The following KCTD8 variants were observed in gnomAD, a reference collection of about 807,000 sequenced individuals.
KCTD8 encodes potassium channel tetramerization domain containing 8, also known as BTB/POZ domain-containing protein KCTD8.
A neutral mutation model predicts 31.5 loss-of-function variants in KCTD8; 27 were observed. The observed-to-expected ratio is 0.86, with a 90% CI of 0.63 to 1.18. The LOEUF is 1.18. KCTD8 is among the 50% of genes most tolerant of loss of function. The pLI is 0.00. For missense variants in KCTD8, 658 were observed against 647.7 expected (o/e 1.02, Z -0.17); for synonymous variants, 290 against 280.0 (o/e 1.04, Z -0.36).
In KCTD8 at chr4:44,443,898, G is replaced by C. The variant is rs146333048; in HGVS notation, c.961+3665C>G. ...TTTTGTCTCCCAGATATTGCTAAAG[G>C]CAGCCACAATGACACTCAGCAGACA... On this transcript the variant is annotated intron_variant, in intron 1 of 1. Transcript: ENST00000360029. Among the ~76,000 whole-genome samples the C allele has an allele frequency of 4.6e-3, 706 of 152,044 alleles. 4 individuals carry two copies. Among genetic ancestry groups the C allele is most frequent in the African/African-American group, 0.016 (676 of 41,438 alleles).
intron 1 of KCTD8, among the ~76,000 whole-genome samples, chr4:44,312,181 T>C (rs1717973854): frequency 6.6e-6 from 1 of 152,158 alleles, no homozygotes; most frequent in South Asian, 2.1e-4. Flanking sequence ...TATAGAGCTC[T>C]TTGGGAGCTC....
At chr4:44,313,153 G>C (rs1718004074) in intron 1 of KCTD8, among the ~76,000 whole-genome samples, 2 of 152,090 alleles carry the variant, frequency 1.3e-5, no homozygotes, top group South Asian at 4.1e-4. Flanking sequence ...TGAAAACTGG[G>C]GACTTGTCTG....
chr4:44,188,233 T>C (rs555686281), intron 1 of KCTD8, among the ~76,000 whole-genome samples: 1 of 152,294 alleles, frequency 6.6e-6, no homozygotes, highest in South Asian at 2.1e-4. Flanking sequence ...CTTTGAAATT[T>C]ATAAAAGTGT....
chr4:44,376,160 C>T (rs913209882), intron 1 of KCTD8, among the ~76,000 whole-genome samples: 12 of 152,078 alleles, frequency 7.9e-5, no homozygotes, highest in African/African-American at 2.7e-4. Flanking sequence ...TTTTGTGGAC[C>T]GTGCATGTTC....
intron 1 of KCTD8, among the ~76,000 whole-genome samples, chr4:44,241,926 A>G (rs1715467120): frequency 6.6e-6 from 1 of 152,198 alleles, no homozygotes; most frequent in Non-Finnish European, 1.5e-5. Flanking sequence ...TATAATAATA[A>G]ATAAAAAAGT....
chr4:44,313,097 G>A (rs1183272518), intron 1 of KCTD8, among the ~76,000 whole-genome samples: 1 of 152,112 alleles, frequency 6.6e-6, no homozygotes. Flanking sequence ...TCCTTGGTGT[G>A]CCCTGCTGTG....
intron 1 of KCTD8, among the ~76,000 whole-genome samples, chr4:44,443,591 T>TCAAA (rs146827677): frequency 3.9e-5 from 6 of 152,092 alleles, no homozygotes; most frequent in African/African-American, 1.4e-4. Context: ...TTTTCATGTA[T>TCAAA]CAAACAAACA....
chr4:44,378,509 T>C (rs1340203640), intron 1 of KCTD8, among the ~76,000 whole-genome samples: 1 of 151,974 alleles, frequency 6.6e-6, no homozygotes, highest in Non-Finnish European at 1.5e-5. Context: ...AAACTGGGAA[T>C]TATCTTTGTT....
chr4:44,250,815 A>T (rs1715807126), intron 1 of KCTD8, among the ~76,000 whole-genome samples: 1 of 151,750 alleles, frequency 6.6e-6, no homozygotes, highest in Non-Finnish European at 1.5e-5. Flanking sequence ...AGTAAATAGT[A>T]TTTAATTTAT....
At chr4:44,244,853 G>C (rs1047935810) in intron 1 of KCTD8, among the ~76,000 whole-genome samples, 123 of 151,318 alleles carry the variant, frequency 8.1e-4, no homozygotes, top group Non-Finnish European at 1.4e-3. Context: ...GTTGTGGGGG[G>C]GGGGGGGTCT....
chr4:44,377,058 T>A (rs1719934718), intron 1 of KCTD8, among the ~76,000 whole-genome samples: 1 of 152,188 alleles, frequency 6.6e-6, no homozygotes, highest in African/African-American at 2.4e-5. Flanking sequence ...TTAAAAGGTA[T>A]AAATCAAACG....
intron 1 of KCTD8, among the ~76,000 whole-genome samples, chr4:44,328,597 C>A (rs1718515951): frequency 6.6e-6 from 1 of 151,802 alleles, no homozygotes; most frequent in Admixed American, 6.6e-5. Flanking sequence ...GATGATTTTC[C>A]ATTAGAAACA....
chr4:44,249,027 CTAT>C (rs1319734721), intron 1 of KCTD8, among the ~76,000 whole-genome samples: 1 of 151,640 alleles, frequency 6.6e-6, no homozygotes, highest in Non-Finnish European at 1.5e-5. Flanking sequence ...GAAATGTTAA[CTAT>C]GAAAATATCA....
intron 1 of KCTD8, among the ~76,000 whole-genome samples, chr4:44,263,009 G>A (rs942330613): frequency 1.3e-5 from 2 of 152,096 alleles, no homozygotes; most frequent in African/African-American, 4.8e-5. Flanking sequence ...TCAGCTTAGG[G>A]CAGGGGGCTG....
intron 1 of KCTD8, among the ~76,000 whole-genome samples, chr4:44,363,977 A>G (rs553428612): frequency 1.3e-5 from 2 of 152,302 alleles, no homozygotes. Context: ...TAAAACACAA[A>G]ACTATAAAAT....
intron 1 of KCTD8, among the ~76,000 whole-genome samples, chr4:44,345,932 CAA>C (rs200021082): frequency 1.3e-5 from 2 of 148,832 alleles, no homozygotes; most frequent in Non-Finnish European, 3.0e-5. Flanking sequence ...CTCTGGGAAA[CAA>C]AAAAAAACCA....
intron 1 of KCTD8, among the ~76,000 whole-genome samples, chr4:44,309,822 GA>G (rs1717901066): frequency 6.6e-6 from 1 of 152,018 alleles, no homozygotes; most frequent in South Asian, 2.1e-4. Flanking sequence ...GATTCTAAGA[GA>G]ATCCATTAAA....
At chr4:44,274,129 A>T (rs1716685398) in intron 1 of KCTD8, among the ~76,000 whole-genome samples, 1 of 151,898 alleles carries the variant, frequency 6.6e-6, no homozygotes, top group African/African-American at 2.4e-5. Context: ...AGTAAAAAAG[A>T]TTTTATAATA....
chr4:44,300,134 A>G (rs1291328655), intron 1 of KCTD8, among the ~76,000 whole-genome samples: 2 of 152,152 alleles, frequency 1.3e-5, no homozygotes, highest in East Asian at 3.9e-4. Context: ...AATAACCTAC[A>G]GAGGTGTAGA....
Sources: gnomAD v4.1 joint callset for allele counts (sites outside exome capture counted in the v4.1 genomes callset) on GRCh38, gnomAD v4.1.1 for gene constraint, MANE v1.5 for transcripts, NCBI Gene and HGNC (gene_info 2026-07-23, HGNC 2026-07-21) for gene names.